Variants in SAMMSON observed in about 807,000 individuals in gnomAD.
SAMMSON encodes survival associated mitochondrial melanoma specific oncogenic non-coding RNA.
intron 4 of SAMMSON, among the ~76,000 whole-genome samples, chr3:70,079,171 C>G (rs2106640136): frequency 6.6e-6 from 1 of 152,280 alleles, no homozygotes; most frequent in Non-Finnish European, 1.5e-5. Context: ...TGGGGTAAGA[C>G]TGCCTGAGAT....
chr3:70,085,543 C>T (rs1340759222), intron 4 of SAMMSON, among the ~76,000 whole-genome samples: 3 of 152,150 alleles, frequency 2.0e-5, no homozygotes, highest in African/African-American at 7.2e-5. Flanking sequence ...AGTAAGTCTT[C>T]CATTACCAAG....
chr3:70,339,300 C>G (rs1194220129), intron 7 of SAMMSON, among the ~76,000 whole-genome samples: 4 of 152,126 alleles, frequency 2.6e-5, no homozygotes, highest in Non-Finnish European at 5.9e-5. Flanking sequence ...ATAAAAAACC[C>G]TAGAAGAAAA....
At chr3:70,191,409 G>A (rs1701130893) in intron 4 of SAMMSON, among the ~76,000 whole-genome samples, 2 of 152,172 alleles carry the variant, frequency 1.3e-5, no homozygotes, top group South Asian at 4.1e-4. Flanking sequence ...ATGAGGGGCT[G>A]GCCTGGGTGC....
intron 8 of SAMMSON, among the ~76,000 whole-genome samples, chr3:70,354,705 A>G (rs1305845837): frequency 2.0e-5 from 3 of 152,182 alleles, no homozygotes; most frequent in Admixed American, 6.5e-5. Context: ...GTGCCTGAGC[A>G]TGGCAGGAAG....
At chr3:70,065,564 A>G (rs1404102123) in intron 3 of SAMMSON, among the ~76,000 whole-genome samples, 1 of 152,046 alleles carries the variant, frequency 6.6e-6, no homozygotes, top group African/African-American at 2.4e-5. Context: ...AGCCATTCCA[A>G]TGTGTGCCTC....
chr3:70,041,506 T>C (rs1576105934), intron 3 of SAMMSON, among the ~76,000 whole-genome samples: 1 of 152,090 alleles, frequency 6.6e-6, no homozygotes, highest in African/African-American at 2.4e-5. Flanking sequence ...TGATAATAGA[T>C]GAAGTAAATT....
At chr3:70,359,375 T>C (rs1177560615) in intron 9 of SAMMSON, among the ~76,000 whole-genome samples, 1 of 152,142 alleles carries the variant, frequency 6.6e-6, no homozygotes, top group Non-Finnish European at 1.5e-5. Flanking sequence ...TTTGAATGGA[T>C]CAAAGAAAAC....
At chr3:70,038,332 T>G (rs1466941102) in intron 3 of SAMMSON, among the ~76,000 whole-genome samples, 1 of 152,064 alleles carries the variant, frequency 6.6e-6, no homozygotes, top group Non-Finnish European at 1.5e-5. Context: ...GCTTCCTTTG[T>G]CTCTCTCTTG....
Position 70,432,651 on chromosome 3 carries a change from T to C in SAMMSON, n.234-29909T>C, listed in dbSNP as rs140559246. 3.0e-3 allele frequency among the ~76,000 whole-genome samples: 455 copies of C among 152,158 alleles called. 5 individuals are homozygous for C. The highest frequency in any genetic ancestry group is 0.01 in the African/African-American group (416 of 41,566). On this transcript the variant is annotated intron_variant and non_coding_transcript_variant, in intron 2 of 3. Transcript: ENST00000641053. ...TTTGTTAAAACTGATGAGCCAATAT[T>C]GATGCATTATTGTTAAATAAAGTTC...
At chr3:70,163,341 G>T (rs2067623679) in intron 4 of SAMMSON, among the ~76,000 whole-genome samples, 5 of 122,236 alleles carry the variant, frequency 4.1e-5, no homozygotes, top group Non-Finnish European at 8.4e-5. Context: ...CATCTATATA[G>T]AATATATATA....
chr3:70,398,065 G>C (rs1487871780), intron 2 of SAMMSON, among the ~76,000 whole-genome samples: 1 of 152,108 alleles, frequency 6.6e-6, no homozygotes, highest in African/African-American at 2.4e-5. Flanking sequence ...CCAGTGTCTA[G>C]AAGCAAAATT....
At chr3:70,028,928 T>A (rs2067053618) in intron 3 of SAMMSON, among the ~76,000 whole-genome samples, 1 of 152,192 alleles carries the variant, frequency 6.6e-6, no homozygotes, top group Non-Finnish European at 1.5e-5. Flanking sequence ...CTCAAGCAGG[T>A]ACAGTTGTTA....
chr3:70,325,919 G>A (rs567706449), intron 7 of SAMMSON, among the ~76,000 whole-genome samples: 3 of 152,090 alleles, frequency 2.0e-5, no homozygotes, highest in Non-Finnish European at 4.4e-5. Flanking sequence ...ACCTTTTCTC[G>A]GATGAACTGT....
intron 4 of SAMMSON, among the ~76,000 whole-genome samples, chr3:70,234,107 T>A (rs1701586933): frequency 6.6e-6 from 1 of 152,002 alleles, no homozygotes; most frequent in South Asian, 2.1e-4. Context: ...AAGACTGGAG[T>A]CATATCTAAT....
At chr3:70,155,536 A>G (rs2067588850) in intron 4 of SAMMSON, among the ~76,000 whole-genome samples, 1 of 152,056 alleles carries the variant, frequency 6.6e-6, no homozygotes, top group Non-Finnish European at 1.5e-5. Flanking sequence ...CAAGCTCTTA[A>G]TAAGATGAAG....
chr3:70,336,814 T>TTGTGTG (rs71126494), intron 7 of SAMMSON, among the ~76,000 whole-genome samples: 7,791 of 126,572 alleles, frequency 0.062, 463 homozygotes, highest in East Asian at 0.34. Flanking sequence ...AATAGAAAGT[T>TTGTGTG]TGTGTGTGTG....
intron 4 of SAMMSON, among the ~76,000 whole-genome samples, chr3:70,246,625 G>A (rs1211535922): frequency 3.3e-5 from 5 of 152,042 alleles, no homozygotes; most frequent in African/African-American, 1.2e-4. Flanking sequence ...TAACTGAAAC[G>A]TATTTAAGGG....
chr3:70,008,177 G>T (rs2066936616), intron 1 of SAMMSON, among the ~76,000 whole-genome samples: 1 of 152,046 alleles, frequency 6.6e-6, no homozygotes, highest in Non-Finnish European at 1.5e-5. Flanking sequence ...TTCCAATTCT[G>T]CGAAGAAAGT....
intron 6 of SAMMSON, among the ~76,000 whole-genome samples, chr3:70,288,750 G>C (rs907416151): frequency 6.6e-6 from 1 of 151,778 alleles, no homozygotes; most frequent in African/African-American, 2.4e-5. Flanking sequence ...CTCCTGTGTT[G>C]GGTGCATATA....
Sources: gnomAD v4.1 joint callset for allele counts (sites outside exome capture counted in the v4.1 genomes callset) on GRCh38, gnomAD v4.1.1 for gene constraint, MANE v1.5 for transcripts, NCBI Gene and HGNC (gene_info 2026-07-23, HGNC 2026-07-21) for gene names.